The following HSPA4 variants were observed in gnomAD, a reference collection of about 807,000 sequenced individuals.
The protein encoded by HSPA4 is heat shock protein family A (Hsp70) member 4.
HSPA4 carries 25 observed loss-of-function variants against 106.2 expected under a neutral mutation model. The observed-to-expected ratio is 0.24, with a 90% CI of 0.17 to 0.33. HSPA4 has a LOEUF of 0.33. HSPA4 is among the 10% of genes least tolerant of loss of function. The probability of loss-of-function intolerance (pLI) is 1.00; values close to 1 mark genes in which losing one functional copy is unlikely to be tolerated. For synonymous variants in HSPA4, 332 were observed against 333.6 expected (o/e 1.00, Z 0.05); for missense variants, 841 against 996.0 (o/e 0.84, Z 2.10).
chr5:133,064,768 T>C (rs1196741161), intron 1 of HSPA4, among the ~76,000 whole-genome samples: 1 of 152,174 alleles, frequency 6.6e-6, no homozygotes, highest in Non-Finnish European at 1.5e-5. Flanking sequence ...AGTTATCACA[T>C]CAGATCTGTG....
At chr5:133,071,454 C>T (rs1424738095) in intron 4 of HSPA4, among the ~76,000 whole-genome samples, 2 of 147,440 alleles carry the variant, frequency 1.4e-5, no homozygotes, top group Non-Finnish European at 3.1e-5. Flanking sequence ...TCTCAAAAAA[C>T]TTATCCAAAA....
rs897166714 is a variant in HSPA4, at chr5:133,104,149, G to A, written c.2320-84G>A. 9 of 1,451,622 alleles carry A rather than the reference G, an allele frequency of 6.2e-6. No individual in the cohort carries two copies. In the South Asian group the frequency reaches 9.6e-5, roughly 15 times the overall value. 89.9% of individuals were successfully genotyped at this position (1,451,622 alleles called of 1,614,324 possible). A position where few individuals can be genotyped will look rare whatever the true frequency, so the allele number is the denominator to read the frequency against. ...GCTTCTAGGTTGAGGATTGGGTGGT[G>A]GGAGAGGGCGGATTTGGGTTTAGCA... On this transcript the variant is annotated intron_variant, in intron 18 of 18. Transcript: ENST00000304858.
chr5:133,100,796 G>GA (rs1176766954), intron 16 of HSPA4, among the ~76,000 whole-genome samples: 29 of 152,108 alleles, frequency 1.9e-4, no homozygotes, highest in African/African-American at 6.8e-4. Context: ...TTTAGCTCTG[G>GA]ATTACTTGGT....
chr5:133,084,941 G>A lies in HSPA4; in HGVS notation c.909-1841G>A, dbSNP rs372789643. Among the ~76,000 whole-genome samples the A allele has an allele frequency of 3.3e-5, 5 of 151,950 alleles. No individual in the cohort carries two copies. In the East Asian group the frequency reaches 7.7e-4, roughly 24 times the overall value. ...TCCTGCCTCAGCTTCCTGGGTAGCT[G>A]AGACTACAGGTGTGCGCCACCATGC... On this transcript the variant is annotated intron_variant, in intron 7 of 18. Coordinates refer to ENST00000304858, the MANE Select transcript of HSPA4 (RefSeq NM_002154.4).
At position 133,089,090 on chromosome 5, in the gene HSPA4, A is replaced by T. The variant is rs1470157450; in HGVS notation, c.1173A>T (p.Glu391Asp). Residue 391 changes from glutamate to aspartate, a missense_variant, in exon 10 of 19, where the codon GAA becomes GAT. This residue lies in a region of HSPA4 where 162 missense variants were observed against 177.7 expected (regional missense o/e 0.91). Coordinates refer to ENST00000304858, the MANE Select transcript of HSPA4 (RefSeq NM_002154.4). ...TATCGCCTGCTTTCAAAGTCAGAGA[A>T]TTTTCTATCACTGATGTAGTACCAT... ...AILSPAFKVREFSITDVVPYP... is the reference protein window; with the variant it reads ...AILSPAFKVRDFSITDVVPYP... 6.2e-7 allele frequency: 1 copy of T among 1,601,582 alleles called. No homozygotes were observed. Among genetic ancestry groups the T allele is most frequent in the Non-Finnish European group, 8.5e-7 (1 of 1,174,158 alleles).
chr5:133,101,864 T>C lies in HSPA4; in HGVS notation c.2143T>C (p.Ser715Pro). The C allele has an allele frequency of 1.3e-6, 2 of 1,569,904 alleles. No homozygotes were observed. Among genetic ancestry groups the C allele is most frequent in the Non-Finnish European group, 1.7e-6 (2 of 1,155,132 alleles). ...QIQQYMKIIS[S>P]FKNKEDQYDH... is the part of the protein sequence containing the mutation. ...CCAACAGTATATGAAAATAATCAGC[T>C]CTTTCAAAAACAAGGTAACTTTTTT... Residue 715 changes from serine to proline, a missense_variant, in exon 17 of 19, where the codon TCT (serine) becomes CCT (proline). Transcript: ENST00000304858.
At chr5:133,099,481 C>T (rs1765758665) in intron 15 of HSPA4, 64 bp from the exon 16 acceptor site, 3 of 796,096 alleles carry the variant, frequency 3.8e-6, no homozygotes, top group African/African-American at 1.7e-5. Context: ...ATATTCTATG[C>T]CTCTGACTGT....
At chr5:133,091,154 CTTAGG>C in intron 11 of HSPA4, 34 bp from the exon 12 acceptor site, 2 of 1,519,646 alleles carry the variant, frequency 1.3e-6, no homozygotes, top group Non-Finnish European at 1.8e-6. Context: ...AATTCATCCT[CTTAGG>C]TTATGTGTTC....
chr5:133,096,735 T>C (rs1053155429), intron 14 of HSPA4, among the ~76,000 whole-genome samples: 5 of 152,226 alleles, frequency 3.3e-5, no homozygotes, highest in African/African-American at 7.2e-5. Flanking sequence ...AATTAATTTT[T>C]GTCTATGAGG....
In HSPA4 at chr5:133,099,652, A is replaced by C. The variant is rs779693119; in HGVS notation, c.2037A>C (p.Lys679Asn). ...ATGTTGATAAGTTGGCTGAATTAAA[A>C]GTAAGTGACTCTTGAGAGCAGAGGT... ...QVYVDKLAEL[K>N]NLGQPIKIRF... The change falls in exon 16 of 19, where the codon AAA becomes AAC. Residue 679 changes from lysine (K) to asparagine (N), a missense_variant and splice_region_variant. Physicochemically the swap from Lys to Asn is moderately conservative, Grantham distance 94. This residue lies in a region of HSPA4 where 328 missense variants were observed against 372.2 expected (regional missense o/e 0.88). Transcript: ENST00000304858. 5.2e-6 allele frequency: 8 copies of C among 1,547,858 alleles called. No homozygotes were observed. Among genetic ancestry groups the C allele is most frequent in the Middle Eastern group, 1.7e-4 (1 of 5,914 alleles).
At chr5:133,089,475 CTG>C in intron 10 of HSPA4, 85 bp from the exon 11 acceptor site, 1 of 1,181,390 alleles carries the variant, frequency 8.5e-7, no homozygotes, top group Non-Finnish European at 1.2e-6. Context: ...GAAACTAACA[CTG>C]TACAATAATT....
chr5:133,085,489 T>TTAAAAAAAAAAAAAAA (rs1554089513), intron 7 of HSPA4, among the ~76,000 whole-genome samples: 15 of 110,270 alleles, frequency 1.4e-4, no homozygotes, highest in African/African-American at 7.5e-4. Context: ...CCATCTCTAC[T>TTAAAAAAAAAAAAAAA]AAAAAAAAAA....
At chr5:133,066,787 T>C (rs1459366657) in intron 2 of HSPA4, among the ~76,000 whole-genome samples, 4 of 151,034 alleles carry the variant, frequency 2.6e-5, no homozygotes, top group Non-Finnish European at 4.4e-5. Flanking sequence ...AGTGGCCCTG[T>C]CAGCGCAACC....
intron 4 of HSPA4, among the ~76,000 whole-genome samples, chr5:133,071,735 C>T (rs371240290): frequency 6.6e-5 from 10 of 152,254 alleles, no homozygotes; most frequent in East Asian, 5.8e-4. Flanking sequence ...TGTTGCCTGG[C>T]GGATTTCTTG....
intron 2 of HSPA4, among the ~76,000 whole-genome samples, chr5:133,066,971 C>A (rs376841204): frequency 2.8e-4 from 43 of 152,244 alleles, no homozygotes; most frequent in Non-Finnish European, 4.7e-4. Flanking sequence ...TGGCTTCTTT[C>A]AAAGTGCTGG....
rs1285698022 is a variant in HSPA4, at chr5:133,097,208, T to G, written c.1851T>G (p.Ala617=). The stretch of plus-strand genomic sequence containing the variant: ...AACTGGAGAAGGAGCGGAATGATGC[T>G]AAGAACGCAGTGGAGGAATATGTGT... ...QDKLEKERND[A]KNAVEEYVYE... Residue 617 remains alanine (A), a synonymous_variant, in exon 15 of 19, where the codon GCT becomes GCG. Transcript: ENST00000304858. The G allele has an allele frequency of 1.9e-6, 3 of 1,612,022 alleles. No individual in the cohort carries two copies.
rs557738299 is a variant in HSPA4 at position 133,089,114 on chromosome 5, A to G, written c.1197A>G (p.Pro399=). The G allele has an allele frequency of 9.3e-5, 150 of 1,604,634 alleles. 1 individual carries two copies. The South Asian group carries it at 1.6e-3, about 17-fold the overall frequency. The change falls in exon 10 of 19, where the codon CCA becomes CCG. Residue 399 remains proline, a synonymous_variant. Transcript: ENST00000304858. ...AATTTTCTATCACTGATGTAGTACC[A>G]TATCCAATATCTCTGAGATGGAATT... ...VREFSITDVV[P]YPISLRWNSP...
At chr5:133,082,986 T>C (rs1249147555) in intron 7 of HSPA4, among the ~76,000 whole-genome samples, 1 of 151,518 alleles carries the variant, frequency 6.6e-6, no homozygotes, top group East Asian at 1.9e-4. Flanking sequence ...AATACAAAAA[T>C]TAGCCGGGTG....
rs1561589181 is a variant in HSPA4 at position 133,106,135 on chromosome 5, T to G, written c.*1699T>G. On this transcript the variant is annotated 3_prime_UTR_variant, in exon 19 of 19. Transcript: ENST00000304858. ...TTTTTTTTTTTTTTTTTTTTTTTTT[T>G]TTTTTGGTGTGTGTGTGTGTGTGTG... 1.6e-4 allele frequency: 9 copies of G among 58,032 alleles called. No homozygotes were observed. The highest frequency in any genetic ancestry group is 7.1e-4 in the East Asian group (1 of 1,404). The allele number at this position is 58,032 out of a possible 1,614,324, so 3.6% of individuals were successfully genotyped here.
Sources: allele counts gnomAD v4.1 joint callset (sites outside exome capture counted in the v4.1 genomes callset), GRCh38; gene constraint gnomAD v4.1.1; regional missense constraint gnomAD v4.1.1; transcripts MANE v1.5; gene names NCBI Gene and HGNC (gene_info 2026-07-23, HGNC 2026-07-21).